Variants in FOXN3 observed in about 807,000 individuals in gnomAD.
FOXN3 encodes the protein forkhead box protein N3.
In FOXN3, 7 loss-of-function variants were observed where a neutral mutation model predicts 38.4. The observed-to-expected ratio is 0.18, with a 90% CI of 0.10 to 0.34. The LOEUF (loss-of-function observed/expected upper bound fraction) is 0.34, where lower values mean the gene tolerates loss of function less well. Among genes scored for constraint, FOXN3 ranks in the 10% least tolerant of loss-of-function variants. The pLI, the probability that FOXN3 is intolerant of heterozygous loss-of-function variation, is 1.00. For missense variants in FOXN3, 456 were observed against 613.4 expected, an observed-to-expected ratio of 0.74 and a Z score of 2.71; for synonymous variants, 230 against 242.2, an observed-to-expected ratio of 0.95 and a Z score of 0.47.
intron 1 of FOXN3, among the ~76,000 whole-genome samples, chr14:89,612,336 G>C (rs376345775): frequency 3.3e-5 from 5 of 152,178 alleles, no homozygotes; most frequent in Non-Finnish European, 5.9e-5. Context: ...CACTTCCCCA[G>C]AAGTGTCAAG....
At chr14:89,217,144 T>C (rs920346717) in intron 4 of FOXN3, among the ~76,000 whole-genome samples, 2 of 152,114 alleles carry the variant, frequency 1.3e-5, no homozygotes, top group African/African-American at 2.4e-5. Context: ...GTTTTTTTGG[T>C]TCGTTTTTGA....
intron 2 of FOXN3, among the ~76,000 whole-genome samples, chr14:89,399,039 A>AT (rs1423352506): frequency 4.7e-4 from 72 of 152,282 alleles, no homozygotes; most frequent in African/African-American, 1.6e-3. Flanking sequence ...GCTTTCCTGA[A>AT]TTTTTTTGTT....
At chr14:89,272,908 G>T (rs1596145714) in intron 4 of FOXN3, among the ~76,000 whole-genome samples, 4 of 152,266 alleles carry the variant, frequency 2.6e-5, no homozygotes, top group African/African-American at 9.6e-5. Context: ...GGAGAAAGAG[G>T]CATGCTAATA....
rs116491187 is a variant in FOXN3, at chr14:89,182,396, T to C, written c.746-1590A>G. Among the ~76,000 whole-genome samples, 748 of 152,314 alleles carry C rather than the reference T, an allele frequency of 4.9e-3. 10 individuals are homozygous for C. The highest frequency in any genetic ancestry group is 0.017 in the African/African-American group (710 of 41,572). ...CTTTGTTACTAGGTCTTACAAAAGG[T>C]GGGATGGGTGACAGAATGGAAACTC... is the stretch of plus-strand genomic sequence containing the variant. On this transcript the variant is annotated intron_variant, in intron 4 of 5. Transcript: ENST00000557258.
intron 1 of FOXN3, among the ~76,000 whole-genome samples, chr14:89,592,586 C>T (rs757576987): frequency 3.9e-5 from 6 of 152,164 alleles, no homozygotes; most frequent in Non-Finnish European, 8.8e-5. Flanking sequence ...TGAGTATTGC[C>T]TTTGAAATAC....
chr14:89,281,953 G>T (rs4284566), intron 3 of FOXN3, among the ~76,000 whole-genome samples: 76,924 of 151,960 alleles, frequency 0.51, 20,230 homozygotes, highest in East Asian at 0.66. Context: ...TAATGCATTT[G>T]TAAGTTTGGC....
At chr14:89,298,517 T>C (rs1464974591) in intron 3 of FOXN3, among the ~76,000 whole-genome samples, 2 of 150,080 alleles carry the variant, frequency 1.3e-5, no homozygotes, top group Admixed American at 6.6e-5. Context: ...TTTTATTTCA[T>C]GTGTCTTTTA....
chr14:89,339,313 G>A (rs150624233), intron 3 of FOXN3, among the ~76,000 whole-genome samples: 1 of 152,296 alleles, frequency 6.6e-6, no homozygotes, highest in Non-Finnish European at 1.5e-5. Flanking sequence ...TAACAAAACA[G>A]AGGCTCAGGG....
intron 4 of FOXN3, among the ~76,000 whole-genome samples, chr14:89,181,023 C>A (rs1887661153): frequency 6.6e-6 from 1 of 151,402 alleles, no homozygotes; most frequent in Non-Finnish European, 1.5e-5. Context: ...CGCGCACACA[C>A]ACACACATGC....
intron 1 of FOXN3, among the ~76,000 whole-genome samples, chr14:89,467,014 C>T (rs937183963): frequency 1.3e-5 from 2 of 152,200 alleles, no homozygotes; most frequent in Admixed American, 6.5e-5. Flanking sequence ...CGTTAGCTTT[C>T]GTTGCTGGGA....
chr14:89,241,618 C>T (rs1295491001), intron 4 of FOXN3, among the ~76,000 whole-genome samples: 1 of 152,218 alleles, frequency 6.6e-6, no homozygotes, highest in Non-Finnish European at 1.5e-5. Flanking sequence ...GAAACAGTAA[C>T]TGGAGTTGTT....
intron 1 of FOXN3, among the ~76,000 whole-genome samples, chr14:89,430,810 G>T (rs1339400286): frequency 6.6e-6 from 1 of 152,248 alleles, no homozygotes; most frequent in Non-Finnish European, 1.5e-5. Context: ...CCAGACGGAG[G>T]TTCTGCCTAA....
At chr14:89,347,471 C>G (rs954493917) in intron 3 of FOXN3, among the ~76,000 whole-genome samples, 1 of 152,184 alleles carries the variant, frequency 6.6e-6, no homozygotes, top group Admixed American at 6.5e-5. Context: ...ACCAACCCTG[C>G]CGACACATTG....
intron 4 of FOXN3, chr14:89,190,262 T>G: frequency 2.8e-6 from 2 of 703,192 alleles, no homozygotes; most frequent in Non-Finnish European, 4.8e-6. Flanking sequence ...TTATGTAGCT[T>G]TTAAAGTGAT....
At chr14:89,186,769 AG>A (rs1478142409) in intron 4 of FOXN3, among the ~76,000 whole-genome samples, 1 of 152,226 alleles carries the variant, frequency 6.6e-6, no homozygotes, top group Non-Finnish European at 1.5e-5. Context: ...AAAATGTTGT[AG>A]CCTGAGGTTT....
intron 1 of FOXN3, among the ~76,000 whole-genome samples, chr14:89,615,036 C>G (rs1333071610): frequency 6.6e-6 from 1 of 151,396 alleles, no homozygotes; most frequent in African/African-American, 2.4e-5. Context: ...GACTTCTGCA[C>G]AGCAAATCCT....
intron 3 of FOXN3, among the ~76,000 whole-genome samples, chr14:89,301,828 T>C (rs933019052): frequency 2.6e-5 from 4 of 152,090 alleles, no homozygotes; most frequent in Admixed American, 2.6e-4. Flanking sequence ...CAAAGTACTG[T>C]GATGGGCATC....
chr14:89,611,068 G>C (rs576443744), intron 1 of FOXN3, among the ~76,000 whole-genome samples: 4 of 152,182 alleles, frequency 2.6e-5, no homozygotes, highest in Middle Eastern at 3.4e-3. Context: ...TAGGCACAGT[G>C]GCATGCCCAG....
chr14:89,544,263 G>A (rs990643462), intron 1 of FOXN3, among the ~76,000 whole-genome samples: 2 of 151,024 alleles, frequency 1.3e-5, no homozygotes, highest in African/African-American at 2.4e-5. Context: ...GGATGGTCTC[G>A]ATCTCCTGAC....
Sources: allele counts gnomAD v4.1 joint callset (sites outside exome capture counted in the v4.1 genomes callset), GRCh38; gene constraint gnomAD v4.1.1; transcripts MANE v1.5; gene names NCBI Gene and HGNC (gene_info 2026-07-23, HGNC 2026-07-21).